The following SLC25A21 variants were observed in gnomAD, a reference collection of about 807,000 sequenced individuals.
SLC25A21 encodes the protein solute carrier family 25 member 21, also known as mitochondrial 2-oxodicarboxylate carrier.
In SLC25A21, 47 loss-of-function variants were observed where a neutral mutation model predicts 43.8. The ratio of observed to expected loss-of-function variants is 1.07; its 90% confidence interval spans 0.85 to 1.37. The LOEUF is 1.37. SLC25A21 is among the 40% of genes most tolerant of loss of function. The pLI is 0.00. For missense variants in SLC25A21, 352 were observed against 350.2 expected, an observed-to-expected ratio of 1.00 and a Z score of -0.04; for synonymous variants, 131 against 121.3, an observed-to-expected ratio of 1.08 and a Z score of -0.52.
chr14:36,839,570 A>G (rs1277292694), intron 2 of SLC25A21, among the ~76,000 whole-genome samples: 1 of 152,240 alleles, frequency 6.6e-6, no homozygotes, highest in Non-Finnish European at 1.5e-5. Context: ...CTGGCTTTGA[A>G]TCCAGTCAAA....
At chr14:36,781,101 T>C (rs1196308084) in intron 3 of SLC25A21, among the ~76,000 whole-genome samples, 1 of 152,202 alleles carries the variant, frequency 6.6e-6, no homozygotes, top group African/African-American at 2.4e-5. Context: ...TGTTATAGAT[T>C]TTGGCTAACA....
chr14:36,958,092 G>A (rs1959389276), intron 1 of SLC25A21, among the ~76,000 whole-genome samples: 1 of 151,688 alleles, frequency 6.6e-6, no homozygotes, highest in African/African-American at 2.4e-5. Context: ...TCAACCATTA[G>A]GCCTTTATCA....
At chr14:36,971,738 G>A (rs1267296382) in intron 1 of SLC25A21, among the ~76,000 whole-genome samples, 1 of 151,956 alleles carries the variant, frequency 6.6e-6, no homozygotes, top group African/African-American at 2.4e-5. Flanking sequence ...CGCCACACAC[G>A]AACCTCGGGT....
intron 1 of SLC25A21, among the ~76,000 whole-genome samples, chr14:37,139,797 A>G (rs1352210166): frequency 1.3e-5 from 2 of 152,222 alleles, no homozygotes; most frequent in Non-Finnish European, 2.9e-5. Context: ...TTAAATGATT[A>G]ATTAAACTCT....
intron 2 of SLC25A21, among the ~76,000 whole-genome samples, chr14:36,865,685 C>A (rs1890194515): frequency 6.6e-6 from 1 of 152,074 alleles, no homozygotes; most frequent in South Asian, 2.1e-4. Context: ...GACCCAGTGA[C>A]CAGTCTGGGT....
intron 1 of SLC25A21, among the ~76,000 whole-genome samples, chr14:36,891,438 G>C (rs1360429429): frequency 2.0e-5 from 3 of 152,110 alleles, no homozygotes; most frequent in Non-Finnish European, 2.9e-5. Context: ...TGAATAAATA[G>C]AGCAAAATGT....
intron 1 of SLC25A21, among the ~76,000 whole-genome samples, chr14:37,006,264 T>C (rs1960602082): frequency 6.6e-6 from 1 of 152,174 alleles, no homozygotes. Context: ...TCCATTGTTG[T>C]CTCATTAATA....
intron 3 of SLC25A21, among the ~76,000 whole-genome samples, chr14:36,789,630 A>C (rs1887373441): frequency 6.8e-6 from 1 of 146,376 alleles, no homozygotes; most frequent in Non-Finnish European, 1.5e-5. Context: ...CTAAAACATA[A>C]GGAGGAAAAA....
chr14:37,085,365 C>T (rs1303539641), intron 1 of SLC25A21, among the ~76,000 whole-genome samples: 1 of 152,130 alleles, frequency 6.6e-6, no homozygotes, highest in African/African-American at 2.4e-5. Flanking sequence ...CTTGCTCACC[C>T]CTGTATCCTC....
chr14:36,890,533 A>C (rs752166006), intron 1 of SLC25A21, among the ~76,000 whole-genome samples: 11 of 152,134 alleles, frequency 7.2e-5, no homozygotes, highest in Non-Finnish European at 1.0e-4. Context: ...TAAGAGATGA[A>C]GTTAACACTA....
intron 1 of SLC25A21, among the ~76,000 whole-genome samples, chr14:37,104,864 GCCCA>G (rs2138869000): frequency 6.6e-6 from 1 of 152,278 alleles, no homozygotes; most frequent in East Asian, 1.9e-4. Flanking sequence ...GAAGGGAACA[GCCCA>G]CCCATCTCAT....
chr14:37,024,533 C>G (rs529975267), intron 1 of SLC25A21, among the ~76,000 whole-genome samples: 1 of 152,058 alleles, frequency 6.6e-6, no homozygotes, highest in East Asian at 1.9e-4. Context: ...CTGCGTAGTC[C>G]TATACACAAA....
At chr14:36,837,996 T>C (rs996617548) in intron 2 of SLC25A21, among the ~76,000 whole-genome samples, 1 of 152,200 alleles carries the variant, frequency 6.6e-6, no homozygotes, top group Non-Finnish European at 1.5e-5. Flanking sequence ...GAAGTGATTA[T>C]AGCTACAGGT....
intron 1 of SLC25A21, among the ~76,000 whole-genome samples, chr14:37,100,687 T>C (rs1047589249): frequency 6.6e-6 from 1 of 152,194 alleles, no homozygotes; most frequent in African/African-American, 2.4e-5. Flanking sequence ...CATCTAGATA[T>C]CCTCTTGGAA....
intron 1 of SLC25A21, among the ~76,000 whole-genome samples, chr14:37,032,298 G>C (rs1313096194): frequency 6.6e-6 from 1 of 152,130 alleles, no homozygotes. Flanking sequence ...CACTTTGGGA[G>C]GCTGAGGCTG....
At chr14:36,854,110 A>G (rs955349294) in intron 2 of SLC25A21, among the ~76,000 whole-genome samples, 3 of 152,212 alleles carry the variant, frequency 2.0e-5, no homozygotes, top group Non-Finnish European at 2.9e-5. Context: ...CAGAATATCT[A>G]TTTGATACCA....
In SLC25A21 at chr14:36,731,605, G is replaced by A. The variant is rs552167807; in HGVS notation, c.271-2039C>T. ...GCACTCCTCTCAATGCCCTGGGGCTGCTGAAGCTTTCCAGTCTGGCTGGTG... is the reference window on the plus strand; with the variant it reads ...GCACTCCTCTCAATGCCCTGGGGCTACTGAAGCTTTCCAGTCTGGCTGGTG... On this transcript the variant is annotated intron_variant, in intron 4 of 9. Coordinates refer to ENST00000331299, the MANE Select transcript of SLC25A21 (RefSeq NM_030631.4). 2.0e-5 allele frequency among the ~76,000 whole-genome samples: 3 copies of A among 152,296 alleles called. No individual in the cohort carries two copies. In the South Asian group the frequency reaches 6.2e-4, roughly 32 times the overall value.
intron 7 of SLC25A21, among the ~76,000 whole-genome samples, chr14:36,688,686 C>A (rs936447428): frequency 6.6e-6 from 1 of 152,144 alleles, no homozygotes; most frequent in Non-Finnish European, 1.5e-5. Context: ...TTAAAACATG[C>A]CTTCCCCAGC....
At chr14:37,046,466 T>C (rs79374526) in intron 1 of SLC25A21, among the ~76,000 whole-genome samples, 6,693 of 152,214 alleles carry the variant, frequency 0.044, 477 homozygotes, top group African/African-American at 0.15. Context: ...TTAACTGAAT[T>C]GGCCTATCTC....
Sources: allele counts gnomAD v4.1 joint callset (sites outside exome capture counted in the v4.1 genomes callset), GRCh38; gene constraint gnomAD v4.1.1; transcripts MANE v1.5; gene names NCBI Gene and HGNC (gene_info 2026-07-23, HGNC 2026-07-21).